The following MBP variants were observed in gnomAD, a reference collection of about 807,000 sequenced individuals.
MBP encodes the protein Golli-MBP.
A neutral mutation model predicts 35.8 loss-of-function variants in MBP; 16 were observed. The ratio of observed to expected loss-of-function variants is 0.45; its 90% CI spans 0.30 to 0.68. MBP has a LOEUF of 0.68. Ranked by LOEUF, MBP falls within the 30% of genes least tolerant of loss-of-function variation. The pLI is 0.08. For synonymous variants in MBP, 143 were observed against 159.6 expected (o/e 0.90, Z 0.78); for missense variants, 380 against 404.7 (o/e 0.94, Z 0.52).
chr18:77,030,430 G>A (rs1203953515), intron 3 of MBP, among the ~76,000 whole-genome samples: 2 of 152,166 alleles, frequency 1.3e-5, no homozygotes, highest in Non-Finnish European at 2.9e-5. Flanking sequence ...GGAAGCTTTG[G>A]TTACTTTTGT....
chr18:77,112,169 G>A (rs28474795), intron 1 of MBP, among the ~76,000 whole-genome samples: 5 of 150,994 alleles, frequency 3.3e-5, no homozygotes, highest in Admixed American at 1.3e-4. Context: ...CCGTGCACAC[G>A]CACACACACA....
chr18:77,114,507 G>T (rs886709249), intron 1 of MBP: 6 of 152,256 alleles, frequency 3.9e-5, no homozygotes, highest in African/African-American at 1.4e-4. Context: ...CCTTGTGAAT[G>T]TATCCACATG....
In MBP at chr18:77,080,989, C is replaced by CT. The variant is rs536850264; in HGVS notation, c.52-14605dup. On this transcript the variant is annotated intron_variant, in intron 2 of 8. Coordinates refer to ENST00000355994, the MANE Select transcript of MBP (RefSeq NM_001025101.2). Reference sequence around the variant, plus strand: ...TGAGTCACTGCCCCCAGCCAAGACACTTTTTTTTAATCAAAACTCTACTTT... The same window carrying CT: ...TGAGTCACTGCCCCCAGCCAAGACACTTTTTTTTTAATCAAAACTCTACTTT... Among the ~76,000 whole-genome samples, 8 of 152,168 alleles carry CT rather than the reference C, an allele frequency of 5.3e-5. No homozygotes were observed. In the East Asian group the frequency reaches 5.8e-4, roughly 11 times the overall value.
chr18:77,132,094 AC>A (rs1472565837), intron 1 of MBP, among the ~76,000 whole-genome samples: 1 of 151,852 alleles, frequency 6.6e-6, no homozygotes, highest in East Asian at 2.0e-4. Context: ...GGCAGCCAGC[AC>A]CCTCTCCACA....
At chr18:77,103,429 C>A (rs1169598261) in intron 2 of MBP, among the ~76,000 whole-genome samples, 1 of 152,160 alleles carries the variant, frequency 6.6e-6, no homozygotes, top group Non-Finnish European at 1.5e-5. Flanking sequence ...GTTGGAGACA[C>A]ATAATTTTAT....
intron 4 of MBP, chr18:77,012,814 T>C: frequency 1.0e-6 from 1 of 985,356 alleles, no homozygotes. Context: ...AACTGTTTAA[T>C]GAATGCATAA....
chr18:77,069,106 G>A (rs1240068934), intron 2 of MBP: 9 of 456,092 alleles, frequency 2.0e-5, no homozygotes, highest in East Asian at 6.9e-5. Context: ...CCTGTGATGC[G>A]GTGAATACTG....
chr18:76,985,935 C>T (rs1969533848), intron 7 of MBP: 2 of 986,044 alleles, frequency 2.0e-6, no homozygotes, highest in South Asian at 4.7e-5. Context: ...GGCCGTGTGA[C>T]CGCAGGGGCT....
chr18:77,055,267 G>A (rs1284291185), intron 3 of MBP, among the ~76,000 whole-genome samples: 1 of 152,240 alleles, frequency 6.6e-6, no homozygotes, highest in Non-Finnish European at 1.5e-5. Context: ...GGAAGGAGCT[G>A]AGCTGAGCTG....
At chr18:77,068,890 C>G in intron 2 of MBP, 2 of 454,134 alleles carry the variant, frequency 4.4e-6, no homozygotes, top group South Asian at 1.6e-5. Context: ...AATAAACACT[C>G]TCAGCCTCTT....
At chr18:77,066,273 T>A in intron 3 of MBP, 25 bp downstream of exon 3, 1 of 1,582,660 alleles carries the variant, frequency 6.3e-7, no homozygotes, top group Non-Finnish European at 8.7e-7. Context: ...TGTGGCGCCA[T>A]GTTGCCGATA....
intron 8 of MBP, chr18:76,984,236 GT>G (rs1969397957): frequency 6.5e-6 from 1 of 154,266 alleles, no homozygotes; most frequent in Non-Finnish European, 1.4e-5. Context: ...GAGTGGGCGG[GT>G]TACCTCCATT....
At chr18:77,015,370 C>A (rs1443570185) in intron 4 of MBP, 4 of 985,280 alleles carry the variant, frequency 4.1e-6, no homozygotes, top group Non-Finnish European at 4.8e-6. Context: ...CTTTATTGGG[C>A]AACCCGAATC....
At chr18:77,086,155 T>A (rs1441255585) in intron 2 of MBP, among the ~76,000 whole-genome samples, 2 of 152,242 alleles carry the variant, frequency 1.3e-5, no homozygotes, top group African/African-American at 2.4e-5. Flanking sequence ...TGAGTTCTGC[T>A]ATCCCTGTGA....
rs367595238 is a variant in MBP, at chr18:77,026,001, C to T, written c.140-8733G>A. ...GTGAGTGCATCGCTCATCCCGCTCG[C>T]TGTGCTCCCAGCCTGTGCCATGGAA... On this transcript the variant is annotated intron_variant, in intron 3 of 8. Transcript: ENST00000355994. Among the ~76,000 whole-genome samples the T allele has an allele frequency of 9.8e-5, 15 of 152,350 alleles. No homozygotes were observed. The South Asian group carries it at 3.1e-3, about 32-fold the overall frequency.
intron 1 of MBP, among the ~76,000 whole-genome samples, chr18:77,120,277 G>A (rs1333296224): frequency 6.6e-6 from 1 of 152,184 alleles, no homozygotes; most frequent in Non-Finnish European, 1.5e-5. Context: ...GTCAGCCCTC[G>A]CGGCATCTGG....
chr18:77,094,510 G>A (rs922616643), intron 2 of MBP, among the ~76,000 whole-genome samples: 23 of 152,238 alleles, frequency 1.5e-4, no homozygotes, highest in African/African-American at 5.5e-4. Flanking sequence ...AATGACGACT[G>A]TAGGACTCTC....
intron 4 of MBP, chr18:77,003,650 GATA>G (rs1468135284): frequency 6.6e-6 from 1 of 152,180 alleles, no homozygotes; most frequent in Non-Finnish European, 1.5e-5. Context: ...TTGTGAAAGT[GATA>G]ATATGCTTCT....
intron 3 of MBP, among the ~76,000 whole-genome samples, chr18:77,054,191 G>A (rs556845232): frequency 3.5e-4 from 54 of 152,330 alleles, no homozygotes; most frequent in African/African-American, 1.2e-3. Context: ...CCTGGCCCTC[G>A]CTGAGCTATG....
Sources: gnomAD v4.1 joint callset for allele counts (sites outside exome capture counted in the v4.1 genomes callset) on GRCh38, gnomAD v4.1.1 for gene constraint, MANE v1.5 for transcripts, NCBI Gene and HGNC (gene_info 2026-07-23, HGNC 2026-07-21) for gene names.